Variants in AKAP9 observed in about 807,000 individuals in gnomAD.
AKAP9 encodes the protein A-kinase anchoring protein 9.
AKAP9 carries 311 observed loss-of-function variants against 488.5 expected under a neutral mutation model. The observed-to-expected ratio is 0.64, with a 90% CI of 0.58 to 0.70. The LOEUF is 0.70. AKAP9 is among the 30% of genes least tolerant of loss of function. The pLI, the probability that AKAP9 is intolerant of heterozygous loss-of-function variation, is 0.00. For missense variants in AKAP9, 4,215 were observed against 4,374.5 expected (o/e 0.96, Z 1.03); for synonymous variants, 1,462 against 1,483.5 (o/e 0.99, Z 0.33).
intron 8 of AKAP9, among the ~76,000 whole-genome samples, chr7:92,008,673 G>C (rs1199295804): frequency 6.8e-6 from 1 of 147,700 alleles, no homozygotes; most frequent in Non-Finnish European, 1.5e-5. Flanking sequence ...GGGTGACAAA[G>C]TGAGACTCTA....
chr7:92,000,890 CA>C lies in AKAP9; in HGVS notation c.974del (p.Gln325ArgfsTer10). The C allele has an allele frequency of 7.0e-7, 1 of 1,423,916 alleles. No homozygotes were observed. Among genetic ancestry groups the C allele is most frequent in the African/African-American group, 1.5e-5 (1 of 68,384 alleles). 88.2% of individuals were successfully genotyped at this position (1,423,916 alleles called of 1,614,324 possible). On this transcript the variant is annotated frameshift_variant, in exon 8 of 50. Coordinates refer to ENST00000356239, the MANE Select transcript of AKAP9 (RefSeq NM_005751.5). LOFTEE classifies it high-confidence loss of function. ...KVENSNKEEI[Q>X]EKETIIEELN... is the part of the protein sequence containing the mutation. ...AGAAAACTCAAATAAAGAAGAAATA[CA>C]GGAAAAGGAGACAATCATTGAAGAA...
In AKAP9 at chr7:92,096,426, C is replaced by A. The variant is rs189633156; in HGVS notation, c.9730-263C>A. Among the ~76,000 whole-genome samples the A allele has an allele frequency of 2.5e-3, 377 of 151,754 alleles. 2 individuals are homozygous for A. The highest frequency in any genetic ancestry group is 8.3e-3 in the African/African-American group (344 of 41,322). ...CTAGGCTCACTGCAACCTCCACCTC[C>A]CGGGTTCAAGCAATTCGCCTGCCTC... On this transcript the variant is annotated intron_variant, in intron 40 of 49. Coordinates refer to ENST00000356239, the MANE Select transcript of AKAP9 (RefSeq NM_005751.5).
chr7:92,081,677 G>C (rs1487544513), intron 31 of AKAP9, among the ~76,000 whole-genome samples: 1 of 151,598 alleles, frequency 6.6e-6, no homozygotes, highest in Non-Finnish European at 1.5e-5. Flanking sequence ...TCTGTTTTAA[G>C]TAAAAATGCG....
intron 14 of AKAP9, among the ~76,000 whole-genome samples, chr7:92,028,696 A>G (rs1344071265): frequency 4.3e-4 from 65 of 152,254 alleles, no homozygotes; most frequent in Admixed American, 4.3e-3. Flanking sequence ...CGATTGCTGA[A>G]GTTTTAAGAA....
intron 28 of AKAP9, among the ~76,000 whole-genome samples, chr7:92,075,544 G>A (rs1465734369): frequency 6.6e-6 from 1 of 152,184 alleles, no homozygotes; most frequent in Non-Finnish European, 1.5e-5. Context: ...ATAAGTGATA[G>A]TTTAGAGTGG....
chr7:92,105,640 A>AGAT, intron 46 of AKAP9, 38 bp from the exon 47 acceptor site: 1 of 1,422,686 alleles, frequency 7.0e-7, no homozygotes, highest in Non-Finnish European at 9.9e-7. Context: ...TACTGTTTAT[A>AGAT]GATGGGCTGT....
Position 92,061,257 on chromosome 7 carries a change from T to G in AKAP9, c.5602-3T>G. The G allele has an allele frequency of 1.2e-6, 2 of 1,611,710 alleles. No individual in the cohort carries two copies. The highest frequency in any genetic ancestry group is 4.5e-5 in the East Asian group (2 of 44,802). The stretch of plus-strand genomic sequence containing the variant: ...TTTATGTATTGTTTCCCTCTTTGTT[T>G]AGCTTGAACATGCGAAAGTGACACA... On this transcript the variant is annotated splice_region_variant and splice_polypyrimidine_tract_variant and intron_variant, in intron 22 of 49. Coordinates refer to ENST00000356239, the MANE Select transcript of AKAP9 (RefSeq NM_005751.5).
chr7:92,069,375 A>G lies in AKAP9; in HGVS notation c.6331-655A>G, dbSNP rs894619983. 1.2e-4 allele frequency among the ~76,000 whole-genome samples: 18 copies of G among 152,262 alleles called. 1 individual carries two copies. Among genetic ancestry groups the G allele is most frequent in the African/African-American group, 3.8e-4 (16 of 41,572 alleles). On this transcript the variant is annotated intron_variant, in intron 26 of 49. Coordinates refer to ENST00000356239, the MANE Select transcript of AKAP9 (RefSeq NM_005751.5). Reference sequence around the variant, plus strand: ...AGAAAGTCTTAGTCTTAAGAGAAAGATTTTTTAAAGGATTACGTGAAAGCA... The same window carrying G: ...AGAAAGTCTTAGTCTTAAGAGAAAGGTTTTTTAAAGGATTACGTGAAAGCA...
chr7:92,011,945 T>C (rs1207829467), intron 8 of AKAP9, among the ~76,000 whole-genome samples: 1 of 152,030 alleles, frequency 6.6e-6, no homozygotes, highest in Non-Finnish European at 1.5e-5. Flanking sequence ...TACCTAAAAA[T>C]AAAAAGTTAG....
At chr7:92,078,188 G>C (rs1387353967) in intron 30 of AKAP9, among the ~76,000 whole-genome samples, 1 of 151,832 alleles carries the variant, frequency 6.6e-6, no homozygotes, top group Non-Finnish European at 1.5e-5. Flanking sequence ...AATAGAGATG[G>C]GGTTTCACCA....
At chr7:91,986,498 G>A (rs1306699891) in intron 3 of AKAP9, among the ~76,000 whole-genome samples, 2 of 152,226 alleles carry the variant, frequency 1.3e-5, no homozygotes, top group Admixed American at 1.3e-4. Flanking sequence ...GGGAGCTGCA[G>A]ACCGGAGCTG....
rs985197948 is a variant in AKAP9, at chr7:92,031,669, C to T, written c.4338+65C>T. 1.2e-5 allele frequency: 15 copies of T among 1,256,924 alleles called. No homozygotes were observed. In the African/African-American group the frequency reaches 2.2e-4, roughly 19 times the overall value. The allele number at this position is 1,256,924 out of a possible 1,614,324, so 77.9% of individuals were successfully genotyped here. On this transcript the variant is annotated intron_variant, in intron 16 of 49. Coordinates refer to ENST00000356239, the MANE Select transcript of AKAP9 (RefSeq NM_005751.5). ...ATTCCCTTTGAGCCTTCAAAAAGAA[C>T]ATAGATTTTATCGATGGTATGTACT...
At position 92,080,017 on chromosome 7, in the gene AKAP9, A is replaced by C; in HGVS notation, c.7884A>C (p.Gln2628His). ...CTAGTTTGATTTTAGAAAAAGAACAAGTAGAAATTGCAGAAAAAAATGTTT... is the reference window on the plus strand; with the variant it reads ...CTAGTTTGATTTTAGAAAAAGAACACGTAGAAATTGCAGAAAAAAATGTTT... ...MHTSLILEKE[Q>H]VEIAEKNVLE... The change falls in exon 31 of 50, where the codon CAA becomes CAC. Residue 2628 changes from glutamine (Q) to histidine (H), a missense_variant. This residue lies in a region of AKAP9 where 1,476 missense variants were observed against 1,477.4 expected (regional missense o/e 1.00). Transcript: ENST00000356239. 6 of 1,563,572 alleles carry C rather than the reference A, an allele frequency of 3.8e-6. No homozygotes were observed. The South Asian group carries it at 7.4e-5, about 19-fold the overall frequency.
chr7:92,005,554 C>T (rs1008258959), intron 8 of AKAP9, among the ~76,000 whole-genome samples: 2 of 152,084 alleles, frequency 1.3e-5, no homozygotes, highest in African/African-American at 4.8e-5. Context: ...TATTTATGAT[C>T]TTATATCAAA....
chr7:91,971,982 C>CTTTTTT lies in AKAP9; in HGVS notation c.49-1714_49-1709dup, dbSNP rs71107846. Among the ~76,000 whole-genome samples the CTTTTTT allele has an allele frequency of 1.4e-3, 128 of 91,864 alleles. 1 individual carries two copies. Among genetic ancestry groups the CTTTTTT allele is most frequent in the African/African-American group, 3.5e-3 (78 of 22,110 alleles). 60.3% of individuals were successfully genotyped at this position (91,864 alleles called of 152,430 possible). ...ATAGAGTCTTTTATGTTTTGCCTCT[C>CTTTTTT]TTTTTTTTTTTTTTTTTTTTGCACT... On this transcript the variant is annotated intron_variant, in intron 1 of 49. Transcript: ENST00000356239.
intron 1 of AKAP9, among the ~76,000 whole-genome samples, chr7:91,957,790 C>T (rs1318004881): frequency 2.0e-5 from 3 of 152,148 alleles, no homozygotes; most frequent in Non-Finnish European, 4.4e-5. Flanking sequence ...GGGCTATAAA[C>T]TAACACTTCA....
chr7:92,051,047 A>G (rs1407339424), intron 21 of AKAP9, among the ~76,000 whole-genome samples: 1 of 152,074 alleles, frequency 6.6e-6, no homozygotes, highest in Non-Finnish European at 1.5e-5. Flanking sequence ...ATTTGATATT[A>G]TCTTCTTATT....
chr7:92,025,426 G>A (rs776726140), intron 14 of AKAP9, among the ~76,000 whole-genome samples: 4 of 152,214 alleles, frequency 2.6e-5, no homozygotes, highest in East Asian at 3.9e-4. Flanking sequence ...ACTCACCACC[G>A]TCCTCATTCT....
chr7:91,981,728 C>G (rs1474130421), intron 3 of AKAP9, among the ~76,000 whole-genome samples: 1 of 151,352 alleles, frequency 6.6e-6, no homozygotes, highest in Admixed American at 6.6e-5. Context: ...TCTGCCTCAG[C>G]TTCCCAAGCT....
Sources: gnomAD v4.1 joint callset for allele counts (sites outside exome capture counted in the v4.1 genomes callset) on GRCh38, gnomAD v4.1.1 for gene constraint, gnomAD v4.1.1 regional missense constraint, MANE v1.5 for transcripts, NCBI Gene and HGNC (gene_info 2026-07-23, HGNC 2026-07-21) for gene names.